Variants in DNER observed in about 807,000 individuals in gnomAD.
The protein encoded by DNER is delta/notch like EGF repeat containing, also known as delta and Notch-like epidermal growth factor-related receptor.
Under a neutral mutation model 78.2 loss-of-function variants are expected in DNER, and 33 were observed. The ratio of observed to expected loss-of-function variants is 0.42; its 90% CI spans 0.32 to 0.56. DNER has a LOEUF of 0.56. Among genes scored for constraint, DNER ranks in the 20% least tolerant of loss-of-function variants. The probability of loss-of-function intolerance (pLI) is 0.11; values close to 1 mark genes in which losing one functional copy is unlikely to be tolerated. For synonymous variants in DNER, 417 were observed against 384.8 expected, an observed-to-expected ratio of 1.08 and a Z score of -0.98; for missense variants, 918 against 975.3, an observed-to-expected ratio of 0.94 and a Z score of 0.78.
At chr2:229,679,050 C>A (rs1010897985) in intron 1 of DNER, among the ~76,000 whole-genome samples, 8 of 152,080 alleles carry the variant, frequency 5.3e-5, no homozygotes, top group African/African-American at 1.9e-4. Flanking sequence ...TGAGAACAAC[C>A]CCTTTTTAAT....
intron 5 of DNER, among the ~76,000 whole-genome samples, chr2:229,525,018 TG>T (rs564063947): frequency 1.8e-4 from 28 of 152,234 alleles, no homozygotes; most frequent in Admixed American, 5.9e-4. Flanking sequence ...ATCACTCTGA[TG>T]TGTGGCTCTT....
chr2:229,627,817 G>A (rs1157818445), intron 1 of DNER, among the ~76,000 whole-genome samples: 2 of 152,188 alleles, frequency 1.3e-5, no homozygotes, highest in African/African-American at 4.8e-5. Flanking sequence ...AGGCAAGTTG[G>A]AGGTAATAAA....
rs1210040586 is a variant in DNER, at chr2:229,559,112, G to A, written c.848-12020C>T. On this transcript the variant is annotated intron_variant, in intron 4 of 12. Coordinates refer to ENST00000341772, the MANE Select transcript of DNER (RefSeq NM_139072.4). Reference sequence around the variant, plus strand: ...AGGCAACTTTGTGGGGGGTGTGGTGGTAGGCAAGTGAATCAAGATTTCCAT... The same window carrying A: ...AGGCAACTTTGTGGGGGGTGTGGTGATAGGCAAGTGAATCAAGATTTCCAT... Among the ~76,000 whole-genome samples the A allele has an allele frequency of 2.0e-5, 3 of 152,138 alleles. No homozygotes were observed. The East Asian group carries it at 5.8e-4, about 29-fold the overall frequency.
At chr2:229,489,490 TG>T (rs1377825280) in intron 6 of DNER, among the ~76,000 whole-genome samples, 1 of 72,782 alleles carries the variant, frequency 1.4e-5, no homozygotes, top group East Asian at 3.6e-4. Context: ...CATGACTGGG[TG>T]GGTGTGGGGG....
chr2:229,428,271 C>T (rs1394393018), intron 8 of DNER, among the ~76,000 whole-genome samples: 1 of 151,958 alleles, frequency 6.6e-6, no homozygotes, highest in Non-Finnish European at 1.5e-5. Context: ...GAAGAGGCTG[C>T]TGCAATCGTC....
chr2:229,586,148 T>C (rs10210412), intron 3 of DNER, 124 bp from the exon 4 acceptor site: 45,171 of 1,201,526 alleles, frequency 0.038, 1,111 homozygotes, highest in African/African-American at 0.1. Flanking sequence ...AGGAGATCGA[T>C]GGCATAAACA....
At chr2:229,676,883 G>T (rs1156545472) in intron 1 of DNER, among the ~76,000 whole-genome samples, 1 of 152,158 alleles carries the variant, frequency 6.6e-6, no homozygotes, top group South Asian at 2.1e-4. Context: ...GTAATATACA[G>T]CCTGCAGATA....
chr2:229,637,116 A>T lies in DNER; in HGVS notation c.277-45228T>A, dbSNP rs116394345. Among the ~76,000 whole-genome samples, 1,107 of 152,300 alleles carry T rather than the reference A, an allele frequency of 7.3e-3. 9 individuals carry two copies. Among genetic ancestry groups the T allele is most frequent in the Non-Finnish European group, 0.012 (798 of 68,028 alleles). On this transcript the variant is annotated intron_variant, in intron 1 of 12. Transcript: ENST00000341772. ...ACCCATCCCACTCTAACTAAGGAAA[A>T]GTTCCAGCTGATCTTCCCCAACCCA... is the stretch of plus-strand genomic sequence containing the variant.
intron 1 of DNER, among the ~76,000 whole-genome samples, chr2:229,610,064 GT>G (rs1033114656): frequency 2.6e-5 from 4 of 152,144 alleles, no homozygotes; most frequent in African/African-American, 9.7e-5. Context: ...AATGTCATTT[GT>G]GTTTTAAGTT....
chr2:229,703,151 T>G (rs1699776469), intron 1 of DNER, among the ~76,000 whole-genome samples: 1 of 152,080 alleles, frequency 6.6e-6, no homozygotes, highest in Admixed American at 6.6e-5. Flanking sequence ...ATTTTAGGAC[T>G]TACTATAACT....
intron 1 of DNER, among the ~76,000 whole-genome samples, chr2:229,688,591 C>A (rs1699522631): frequency 6.6e-6 from 1 of 152,134 alleles, no homozygotes; most frequent in Admixed American, 6.5e-5. Context: ...AGGGTGAACC[C>A]TTCATGAAAT....
At chr2:229,548,204 T>C (rs1184254857) in intron 4 of DNER, among the ~76,000 whole-genome samples, 1 of 152,120 alleles carries the variant, frequency 6.6e-6, no homozygotes, top group Admixed American at 6.6e-5. Context: ...ATGAGTTCCA[T>C]TATCAGGAAA....
intron 6 of DNER, among the ~76,000 whole-genome samples, chr2:229,488,143 G>A (rs921753105): frequency 1.9e-4 from 29 of 152,218 alleles, no homozygotes; most frequent in African/African-American, 5.5e-4. Flanking sequence ...GAGGGATGTC[G>A]AAACTGGGTG....
At chr2:229,422,460 G>A (rs888586348) in intron 8 of DNER, among the ~76,000 whole-genome samples, 14 of 152,152 alleles carry the variant, frequency 9.2e-5, no homozygotes, top group African/African-American at 2.2e-4. Flanking sequence ...TATTTCTTTC[G>A]GATTGACGGG....
intron 7 of DNER, among the ~76,000 whole-genome samples, chr2:229,471,809 A>T (rs1694929219): frequency 6.6e-6 from 1 of 152,186 alleles, no homozygotes; most frequent in African/African-American, 2.4e-5. Context: ...TTTATAAATT[A>T]AAAAATGAGC....
chr2:229,659,706 T>G (rs1698974866), intron 1 of DNER, among the ~76,000 whole-genome samples: 1 of 152,146 alleles, frequency 6.6e-6, no homozygotes. Flanking sequence ...GAAAAACAAC[T>G]GACCTAAAGA....
At position 229,366,746 on chromosome 2, in the gene DNER, T is replaced by C. The variant is rs1314950681; in HGVS notation, c.2102+127A>G. On this transcript the variant is annotated intron_variant, in intron 12 of 12. Coordinates refer to ENST00000341772, the MANE Select transcript of DNER (RefSeq NM_139072.4). ...TCGAATGATCTATCCCCAAATACAA[T>C]GTGGAACCTATTTTCCATTCTTTAA... The C allele has an allele frequency of 3.5e-6, 5 of 1,416,616 alleles. No homozygotes were observed. In the Admixed American group the frequency reaches 8.0e-5, roughly 23 times the overall value. 87.8% of individuals were successfully genotyped at this position (1,416,616 alleles called of 1,614,324 possible).
chr2:229,667,898 G>A (rs1412902820), intron 1 of DNER, among the ~76,000 whole-genome samples: 1 of 152,144 alleles, frequency 6.6e-6, no homozygotes, highest in Non-Finnish European at 1.5e-5. Context: ...CCCTTCACCA[G>A]GGAATGTGAA....
At chr2:229,545,368 A>C (rs1381926643) in intron 5 of DNER, among the ~76,000 whole-genome samples, 1 of 152,122 alleles carries the variant, frequency 6.6e-6, no homozygotes, top group African/African-American at 2.4e-5. Context: ...TGAGGTCAGG[A>C]GTTTGAGACC....
Sources: allele counts gnomAD v4.1 joint callset (sites outside exome capture counted in the v4.1 genomes callset), GRCh38; gene constraint gnomAD v4.1.1; transcripts MANE v1.5; gene names NCBI Gene and HGNC (gene_info 2026-07-23, HGNC 2026-07-21).